The following KLHL13 variants were observed in gnomAD, a reference collection of about 807,000 sequenced individuals.
KLHL13 encodes the protein kelch-like protein 13.
In KLHL13, 10 loss-of-function variants were observed where a neutral mutation model predicts 37.1. The ratio of observed to expected loss-of-function variants is 0.27; its 90% CI spans 0.17 to 0.46. KLHL13 has a LOEUF of 0.46. KLHL13 is among the 20% of genes least tolerant of loss of function. The pLI, the probability that KLHL13 is intolerant of heterozygous loss-of-function variation, is 1.00. For missense variants in KLHL13, 360 were observed against 509.3 expected (o/e 0.71, Z 2.82); for synonymous variants, 163 against 181.2 (o/e 0.90, Z 0.81).
intron 1 of KLHL13, among the ~76,000 whole-genome samples, chrX:118,019,611 T>C (rs1344007517): frequency 9.0e-6 from 1 of 111,390 alleles, no homozygotes; most frequent in East Asian, 2.8e-4. Context: ...CCTTCTAGGG[T>C]TTTTATGGTT....
At chrX:117,927,775 G>A (rs1185146504) in intron 2 of KLHL13, among the ~76,000 whole-genome samples, 43 of 111,901 alleles carry the variant, frequency 3.8e-4, no homozygotes, top group Non-Finnish European at 5.6e-5. Flanking sequence ...TTTCCAAAAA[G>A]ACAAAAATAA....
intron 1 of KLHL13, among the ~76,000 whole-genome samples, chrX:118,005,918 A>G (rs1005128238): frequency 8.0e-5 from 9 of 112,368 alleles, no homozygotes; most frequent in African/African-American, 2.6e-4. Context: ...TCTAGGGAAA[A>G]CAACAACTGA....
At chrX:117,898,533 G>C (rs903087227) in exon 7 of KLHL13, 1 of 125,557 alleles carries the variant, frequency 8.0e-6, no homozygotes, top group Non-Finnish European at 1.6e-5. Flanking sequence ...AGCCTAGTGA[G>C]CACAGTTGTA....
chrX:118,095,025 A>G (rs1226276770), intron 1 of KLHL13, among the ~76,000 whole-genome samples: 1 of 111,480 alleles, frequency 9.0e-6, no homozygotes, highest in Non-Finnish European at 1.9e-5. Flanking sequence ...GACAGGATCA[A>G]ATTCACACAT....
intron 1 of KLHL13, among the ~76,000 whole-genome samples, chrX:118,094,230 A>C (rs2148157707): frequency 9.0e-6 from 1 of 111,583 alleles, no homozygotes; most frequent in East Asian, 2.8e-4. Context: ...GGCATGAGAA[A>C]TATGTGACGA....
At position 118,095,054 on chromosome X, in the gene KLHL13, G is replaced by T. The variant is rs770927684; in HGVS notation, c.-56+21454C>A. Among the ~76,000 whole-genome samples the T allele has an allele frequency of 8.3e-3, 920 of 111,040 alleles. 37 individuals are homozygous for T. The highest frequency in any genetic ancestry group is 0.072 in the Admixed American group (745 of 10,374). ...CACACATAACAATATTAACCTTAAA[G>T]GTAAATGGGCTAAATGCTCCAATTA... On this transcript the variant is annotated intron_variant, in intron 1 of 6. Transcript: ENST00000371882.
intron 3 of KLHL13, 131 bp downstream of exon 4, chrX:117,920,107 A>G: frequency 1.6e-6 from 1 of 629,982 alleles, no homozygotes; most frequent in Non-Finnish European, 2.5e-6. Context: ...CGAAAACCAT[A>G]CATACTGTTG....
At position 118,079,367 on chromosome X, in the gene KLHL13, G is replaced by A. The variant is rs758091194; in HGVS notation, c.-56+37141C>T. On this transcript the variant is annotated intron_variant, in intron 1 of 6. Coordinates refer to the KLHL13 transcript ENST00000371882. ...AGTTAAACTATCCCTCTTTGCTGAT[G>A]ATATAATTCTATTATTAAAATACCC... Among the ~76,000 whole-genome samples, 34 of 110,577 alleles carry A rather than the reference G, an allele frequency of 3.1e-4. No individual in the cohort carries two copies. The South Asian group carries it at 0.013, about 41-fold the overall frequency.
At chrX:118,113,667 C>T (rs1177786265) in intron 1 of KLHL13, among the ~76,000 whole-genome samples, 2 of 112,265 alleles carry the variant, frequency 1.8e-5, no homozygotes. Context: ...CTCTGAAAGG[C>T]CTTTTCTGAC....
chrX:118,086,757 T>A (rs949656876), intron 1 of KLHL13, among the ~76,000 whole-genome samples: 3 of 111,600 alleles, frequency 2.7e-5, no homozygotes, highest in African/African-American at 9.8e-5. Flanking sequence ...AGAGAAGACT[T>A]ATTTTTCATG....
chrX:118,005,483 A>T (rs778348696), intron 1 of KLHL13, among the ~76,000 whole-genome samples: 1 of 111,704 alleles, frequency 9.0e-6, no homozygotes, highest in South Asian at 3.8e-4. Context: ...GTTGCCTAAC[A>T]TAGCAAGAGA....
intron 1 of KLHL13, among the ~76,000 whole-genome samples, chrX:118,004,719 C>G (rs905376342): frequency 1.7e-4 from 19 of 111,916 alleles, no homozygotes; most frequent in Admixed American, 5.7e-4. Context: ...ATCAGAAATA[C>G]TATTAATTAG....
intron 1 of KLHL13, among the ~76,000 whole-genome samples, chrX:117,966,279 A>ATT (rs1280218723): frequency 4.1e-4 from 46 of 112,006 alleles, no homozygotes; most frequent in Non-Finnish European, 1.1e-4. Context: ...GAAAACAGAC[A>ATT]GCCAAATCAT....
intron 2 of KLHL13, among the ~76,000 whole-genome samples, chrX:117,933,720 T>C (rs7357940): frequency 0.27 from 29,996 of 110,344 alleles, 7,000 homozygotes; most frequent in African/African-American, 0.78. Flanking sequence ...AACTAGTATG[T>C]TAATAATACA....
intron 1 of KLHL13, among the ~76,000 whole-genome samples, chrX:118,053,832 AGAGAGAGAGAGAGAGAG>A (rs1486797849): frequency 4.0e-4 from 16 of 40,035 alleles, no homozygotes; most frequent in South Asian, 2.3e-3. Flanking sequence ...GAGGAGAGAG[AGAGAGAGAGAGAGAGAG>A]GAGAGAGAGA....
chrX:117,985,468 A>C, intron 1 of KLHL13: 1 of 625,204 alleles, frequency 1.6e-6, no homozygotes, highest in Non-Finnish European at 2.1e-6. Flanking sequence ...AAAAAAACCT[A>C]TGTACTGCAT....
rs191889939 is a variant in KLHL13, at chrX:117,961,561, G to A, written c.98+11170C>T. On this transcript the variant is annotated intron_variant, in intron 1 of 6. Transcript: ENST00000262820. ...AAGGTTACGAACTTTGAAATGGGGC[G>A]TGTCTTGTTTTATCCAGGTAGCCTA... Among the ~76,000 whole-genome samples the A allele has an allele frequency of 1.8e-3, 199 of 111,637 alleles. 2 individuals are homozygous for A. The highest frequency in any genetic ancestry group is 5.2e-3 in the African/African-American group (159 of 30,738).
chrX:117,941,421 T>C (rs905632526), intron 2 of KLHL13, among the ~76,000 whole-genome samples: 2 of 111,922 alleles, frequency 1.8e-5, no homozygotes, highest in Non-Finnish European at 3.8e-5. Flanking sequence ...GTATCAGCTC[T>C]TCTTTGTACC....
intron 1 of KLHL13, among the ~76,000 whole-genome samples, chrX:118,045,472 T>C (rs1276782679): frequency 9.1e-6 from 1 of 109,328 alleles, no homozygotes; most frequent in African/African-American, 3.3e-5. Flanking sequence ...AATAAAAAGG[T>C]GGCTGATATC....
Sources: allele counts gnomAD v4.1 joint callset (sites outside exome capture counted in the v4.1 genomes callset), GRCh38; gene constraint gnomAD v4.1.1; transcripts MANE v1.5; gene names NCBI Gene and HGNC (gene_info 2026-07-23, HGNC 2026-07-21).